Variants in MACROD2 observed in about 807,000 individuals in gnomAD.
MACROD2 encodes the protein mono-ADP ribosylhydrolase 2, also known as ADP-ribose glycohydrolase MACROD2.
In MACROD2, 36 loss-of-function variants were observed where a neutral mutation model predicts 70.4. The ratio of observed to expected loss-of-function variants is 0.51; its 90% CI spans 0.39 to 0.68. MACROD2 has a LOEUF of 0.68. Ranked by LOEUF, MACROD2 falls within the 30% of genes least tolerant of loss-of-function variation. The pLI, the probability that MACROD2 is intolerant of heterozygous loss-of-function variation, is 0.00. For missense variants in MACROD2, 496 were observed against 538.4 expected, an observed-to-expected ratio of 0.92 and a Z score of 0.78; for synonymous variants, 172 against 178.8, an observed-to-expected ratio of 0.96 and a Z score of 0.30.
rs1200648370 is a variant in MACROD2 at position 14,348,303 on chromosome 20, G to GAAAGA, written c.272-145165_272-145161dup. 1.8e-4 allele frequency among the ~76,000 whole-genome samples: 27 copies of GAAAGA among 149,786 alleles called. No homozygotes were observed. In the South Asian group the frequency reaches 5.3e-3, roughly 29 times the overall value. ...AAAATAAATAAAATAAAGAAAGAAA[G>GAAAGA]AAAGAAAAGAAAAGATGTATCGGTA... On this transcript the variant is annotated intron_variant, in intron 3 of 17. Transcript: ENST00000684519.
At chr20:15,580,977 A>G (rs1339175483) in intron 8 of MACROD2, among the ~76,000 whole-genome samples, 2 of 152,196 alleles carry the variant, frequency 1.3e-5, no homozygotes, top group Non-Finnish European at 2.9e-5. Flanking sequence ...GTGTTGACAG[A>G]CTTCCATTTT....
At chr20:14,347,574 G>C (rs2083076815) in intron 3 of MACROD2, among the ~76,000 whole-genome samples, 1 of 152,134 alleles carries the variant, frequency 6.6e-6, no homozygotes, top group Non-Finnish European at 1.5e-5. Context: ...ACCTAATCCT[G>C]CTGATTTCCA....
chr20:15,680,621 C>T (rs2050147691), intron 8 of MACROD2, among the ~76,000 whole-genome samples: 1 of 152,198 alleles, frequency 6.6e-6, no homozygotes, highest in South Asian at 2.1e-4. Context: ...AGTCAGTAAA[C>T]ATCCAGAGGT....
intron 6 of MACROD2, among the ~76,000 whole-genome samples, chr20:15,252,962 G>A (rs1179955543): frequency 1.3e-5 from 2 of 152,192 alleles, no homozygotes; most frequent in Non-Finnish European, 2.9e-5. Context: ...ATTTGCATCT[G>A]TTAATGTATG....
At chr20:14,918,729 C>G (rs1222757908) in intron 5 of MACROD2, among the ~76,000 whole-genome samples, 1 of 150,758 alleles carries the variant, frequency 6.6e-6, no homozygotes, top group Non-Finnish European at 1.5e-5. Flanking sequence ...AAATTCAAGT[C>G]CTAACATTTA....
chr20:15,599,708 T>C (rs185932605), intron 8 of MACROD2, among the ~76,000 whole-genome samples: 6 of 152,346 alleles, frequency 3.9e-5, no homozygotes, highest in Admixed American at 6.5e-5. Context: ...TATGTCTATA[T>C]TTTAAATTTT....
intron 4 of MACROD2, among the ~76,000 whole-genome samples, chr20:14,601,570 A>G (rs1026909651): frequency 6.6e-6 from 1 of 152,112 alleles, no homozygotes; most frequent in Non-Finnish European, 1.5e-5. Flanking sequence ...ACAAACTTTC[A>G]GGTTAAATAA....
intron 3 of MACROD2, among the ~76,000 whole-genome samples, chr20:14,117,557 A>G (rs981123399): frequency 2.0e-5 from 3 of 152,194 alleles, no homozygotes; most frequent in Non-Finnish European, 1.5e-5. Flanking sequence ...GGTGCTAGGA[A>G]AACCGAGAGG....
intron 5 of MACROD2, among the ~76,000 whole-genome samples, chr20:14,946,982 G>T (rs2074437894): frequency 6.6e-6 from 1 of 152,126 alleles, no homozygotes; most frequent in Non-Finnish European, 1.5e-5. Flanking sequence ...AGACACAAAG[G>T]ACATTTATTT....
At position 14,734,579 on chromosome 20, in the gene MACROD2, T is replaced by C. The variant is rs532771420; in HGVS notation, c.418+49620T>C. 5.3e-5 allele frequency among the ~76,000 whole-genome samples: 8 copies of C among 150,408 alleles called. No individual in the cohort carries two copies. In the South Asian group the frequency reaches 1.3e-3, roughly 24 times the overall value. On this transcript the variant is annotated intron_variant, in intron 5 of 17. Transcript: ENST00000684519. ...AAAACAACCAATAACAGGAAGGTAC[T>C]AACAACTACCAGAGCCTTGTTATGT...
At chr20:14,916,190 C>T (rs1258594611) in intron 5 of MACROD2, among the ~76,000 whole-genome samples, 1 of 152,134 alleles carries the variant, frequency 6.6e-6, no homozygotes, top group African/African-American at 2.4e-5. Context: ...AAACGCAGAG[C>T]TGTTAATTCC....
chr20:15,152,849 C>T (rs552276504), intron 5 of MACROD2, among the ~76,000 whole-genome samples: 9 of 151,978 alleles, frequency 5.9e-5, no homozygotes, highest in East Asian at 1.9e-4. Context: ...TTTGGGTCCA[C>T]GGATAAAACG....
chr20:14,800,195 C>T (rs1366595919), intron 5 of MACROD2, among the ~76,000 whole-genome samples: 1 of 151,560 alleles, frequency 6.6e-6, no homozygotes. Context: ...TCATCTTGCA[C>T]AAGAAGGCGA....
intron 3 of MACROD2, chr20:14,127,311 A>G (rs2054663756): frequency 3.4e-6 from 1 of 294,494 alleles, no homozygotes; most frequent in Non-Finnish European, 6.4e-6. Context: ...AGGTGAGGAA[A>G]CTCCATAAGA....
chr20:15,124,416 A>G (rs948344407), intron 5 of MACROD2, among the ~76,000 whole-genome samples: 2 of 151,034 alleles, frequency 1.3e-5, no homozygotes, highest in Non-Finnish European at 3.0e-5. Context: ...AATAAAAGTC[A>G]TTTGGTCATC....
At chr20:15,892,377 A>T (rs937694547) in intron 10 of MACROD2, among the ~76,000 whole-genome samples, 6 of 152,170 alleles carry the variant, frequency 3.9e-5, no homozygotes, top group Admixed American at 3.3e-4. Context: ...GCCCCCAAGG[A>T]TAGACTTAGA....
intron 3 of MACROD2, among the ~76,000 whole-genome samples, chr20:14,309,995 T>C (rs1272139358): frequency 6.6e-6 from 1 of 152,128 alleles, no homozygotes; most frequent in East Asian, 1.9e-4. Flanking sequence ...TTTCAGCATG[T>C]ATGGGGTACG....
intron 5 of MACROD2, among the ~76,000 whole-genome samples, chr20:14,808,592 C>A (rs954155647): frequency 1.3e-5 from 2 of 151,960 alleles, no homozygotes; most frequent in Non-Finnish European, 2.9e-5. Context: ...CAATATTAAT[C>A]TTAAATGTAA....
At chr20:14,538,734 G>A (rs143859846) in intron 4 of MACROD2, among the ~76,000 whole-genome samples, 233 of 152,258 alleles carry the variant, frequency 1.5e-3, no homozygotes, top group African/African-American at 5.3e-3. Flanking sequence ...TCCTTCAGAT[G>A]TCAGCTCAGA....
Sources: gnomAD v4.1 joint callset for allele counts (sites outside exome capture counted in the v4.1 genomes callset) on GRCh38, gnomAD v4.1.1 for gene constraint, MANE v1.5 for transcripts, NCBI Gene and HGNC (gene_info 2026-07-23, HGNC 2026-07-21) for gene names.